CPEB3: variants seen among roughly 807,000 people sequenced by gnomAD.
CPEB3 encodes the protein cytoplasmic polyadenylation element binding protein 3.
A neutral mutation model predicts 67.2 loss-of-function variants in CPEB3; 20 were observed. The ratio of observed to expected loss-of-function variants is 0.30; its 90% CI spans 0.21 to 0.43. The LOEUF (loss-of-function observed/expected upper bound fraction) is 0.43. Among genes scored for constraint, CPEB3 ranks in the 20% least tolerant of loss-of-function variants. The probability of loss-of-function intolerance (pLI) is 1.00; values close to 1 mark genes in which losing one functional copy is unlikely to be tolerated. For missense variants in CPEB3, 746 were observed against 968.6 expected, an observed-to-expected ratio of 0.77 and a Z score of 3.05; for synonymous variants, 376 against 393.1, an observed-to-expected ratio of 0.96 and a Z score of 0.51.
chr10:92,053,552 T>A (rs1841993312), intron 9 of CPEB3, among the ~76,000 whole-genome samples: 5 of 149,410 alleles, frequency 3.3e-5, no homozygotes, highest in Admixed American at 2.0e-4. Context: ...TTCTTTTTTT[T>A]TTTTTTTGAG....
chr10:92,082,991 T>C (rs1843218600), intron 8 of CPEB3, among the ~76,000 whole-genome samples: 1 of 152,122 alleles, frequency 6.6e-6, no homozygotes, highest in Non-Finnish European at 1.5e-5. Flanking sequence ...GGCTGAATAG[T>C]ATAAGAACTC....
At chr10:92,162,929 C>A (rs980561480) in intron 4 of CPEB3, among the ~76,000 whole-genome samples, 2 of 152,070 alleles carry the variant, frequency 1.3e-5, no homozygotes, top group African/African-American at 2.4e-5. Flanking sequence ...CGCCCCCTAG[C>A]CCCACACTTG....
intron 6 of CPEB3, among the ~76,000 whole-genome samples, chr10:92,133,857 CA>C (rs1845960127): frequency 6.6e-6 from 1 of 152,126 alleles, no homozygotes; most frequent in Admixed American, 6.6e-5. Context: ...AAAGCTGGTT[CA>C]ACATTGCAAA....
intron 1 of CPEB3, among the ~76,000 whole-genome samples, chr10:92,258,385 C>G (rs1262258108): frequency 2.0e-5 from 3 of 151,756 alleles, no homozygotes; most frequent in African/African-American, 7.3e-5. Context: ...TAGGCGTGAG[C>G]CACCGTGCCT....
Position 92,239,805 on chromosome 10 carries a change from T to A in CPEB3, c.546A>T (p.Pro182=), listed in dbSNP as rs3740302. The change falls in exon 2 of 10, where the codon CCA becomes CCT. Residue 182 remains proline (P), a synonymous_variant. Transcript: ENST00000265997. This position sits in a 1 kb window ranked among gnomAD's most constrained non-coding sequence, Gnocchi z 6.0. ...APQPAQPAQP[P]QAQPPQQRRS... Reference sequence around the variant, plus strand: ...GGCGCTGCTGCGGGGGCTGCGCCTGTGGTGGCTGCGCTGGCTGTGCCGGCT... The same window carrying A: ...GGCGCTGCTGCGGGGGCTGCGCCTGAGGTGGCTGCGCTGGCTGTGCCGGCT... 202,777 of 1,426,432 alleles carry A rather than the reference T, an allele frequency of 0.14. 17,523 individuals carry two copies. Among genetic ancestry groups the A allele is most frequent in the East Asian group, 0.41 (14,412 of 35,302 alleles). The allele number at this position is 1,426,432 out of a possible 1,614,324, so 88.4% of individuals were successfully genotyped here.
At chr10:92,268,268 T>C (rs1324587787) in intron 1 of CPEB3, among the ~76,000 whole-genome samples, 2 of 152,172 alleles carry the variant, frequency 1.3e-5, no homozygotes, top group African/African-American at 4.8e-5. Flanking sequence ...TTTCTGAGAA[T>C]ATTACCTGTT....
rs533566031 is a variant in CPEB3, at chr10:92,260,538, C to G, written c.-11-20177G>C. Among the ~76,000 whole-genome samples, 3 of 126,222 alleles carry G rather than the reference C, an allele frequency of 2.4e-5. No individual in the cohort carries two copies. In the East Asian group the frequency reaches 6.9e-4, roughly 29 times the overall value. 82.8% of individuals were successfully genotyped at this position (126,222 alleles called of 152,430 possible). Reference sequence around the variant, plus strand: ...TGCACTCCAGCCTGGGCAACAAGAGCAAAACTCCTTCTCAAAAAAAAAAAA... The same window carrying G: ...TGCACTCCAGCCTGGGCAACAAGAGGAAAACTCCTTCTCAAAAAAAAAAAA... On this transcript the variant is annotated intron_variant, in intron 1 of 9. Coordinates refer to ENST00000265997, the MANE Select transcript of CPEB3 (RefSeq NM_014912.5).
chr10:92,068,151 G>T (rs1842625993), intron 9 of CPEB3, among the ~76,000 whole-genome samples: 1 of 152,142 alleles, frequency 6.6e-6, no homozygotes, highest in Non-Finnish European at 1.5e-5. Context: ...TTTATGGAGT[G>T]CAAAGAGTTC....
At chr10:92,183,860 T>G (rs1003610967) in intron 3 of CPEB3, among the ~76,000 whole-genome samples, 1 of 152,226 alleles carries the variant, frequency 6.6e-6, no homozygotes, top group Non-Finnish European at 1.5e-5. Context: ...CTTATTTGAC[T>G]TCTTTTCTTT....
intron 2 of CPEB3, among the ~76,000 whole-genome samples, chr10:92,223,567 CTTTTTTTTTTTTT>C (rs903904452): frequency 1.2e-5 from 1 of 84,146 alleles, no homozygotes; most frequent in Non-Finnish European, 2.5e-5. Flanking sequence ...CTAATTATTT[CTTTTTTTTTTTTT>C]TTTTTTTTTT....
intron 6 of CPEB3, among the ~76,000 whole-genome samples, chr10:92,120,515 C>T (rs970634558): frequency 2.0e-5 from 3 of 151,800 alleles, no homozygotes; most frequent in South Asian, 2.1e-4. Flanking sequence ...ACCCAGGAGG[C>T]GGAGCTTGCA....
At chr10:92,175,128 C>G (rs945804350) in intron 4 of CPEB3, among the ~76,000 whole-genome samples, 1 of 151,660 alleles carries the variant, frequency 6.6e-6, no homozygotes, top group African/African-American at 2.4e-5. Flanking sequence ...CAATTTTGTC[C>G]TCTGAAAAAA....
At chr10:92,194,071 C>T (rs1418644874) in intron 2 of CPEB3, among the ~76,000 whole-genome samples, 1 of 148,568 alleles carries the variant, frequency 6.7e-6, no homozygotes, top group Non-Finnish European at 1.5e-5. Context: ...ACAGGGATTA[C>T]AGGCGTGAGA....
At chr10:92,230,028 G>A (rs1014334505) in intron 2 of CPEB3, among the ~76,000 whole-genome samples, 4 of 151,240 alleles carry the variant, frequency 2.6e-5, no homozygotes, top group Admixed American at 6.6e-5. Context: ...CCTAGGCAAC[G>A]AGAGCGAAAC....
At chr10:92,215,725 G>A (rs1191055830) in intron 2 of CPEB3, among the ~76,000 whole-genome samples, 6 of 143,068 alleles carry the variant, frequency 4.2e-5, no homozygotes, top group East Asian at 2.1e-4. Flanking sequence ...ACAGGCATGA[G>A]CCATGGCGCC....
chr10:92,281,511 T>C (rs1238971161), intron 1 of CPEB3, among the ~76,000 whole-genome samples: 4 of 152,180 alleles, frequency 2.6e-5, no homozygotes, highest in African/African-American at 9.7e-5. Flanking sequence ...ACTACGATGG[T>C]ATCCTTCGCA....
intron 9 of CPEB3, 49 bp downstream of exon 9, chr10:92,081,269 AAC>A: frequency 6.2e-7 from 1 of 1,603,188 alleles, no homozygotes; most frequent in Non-Finnish European, 8.5e-7. Context: ...GAAACTACAG[AAC>A]AAACTTCTTT....
intron 6 of CPEB3, among the ~76,000 whole-genome samples, chr10:92,131,720 C>T (rs1489480999): frequency 2.0e-5 from 3 of 152,104 alleles, no homozygotes; most frequent in Admixed American, 1.3e-4. Flanking sequence ...CCCTTGTCAC[C>T]GGATGTCTCA....
At chr10:92,218,565 G>A (rs748601494) in intron 2 of CPEB3, among the ~76,000 whole-genome samples, 2 of 152,138 alleles carry the variant, frequency 1.3e-5, no homozygotes, top group Non-Finnish European at 2.9e-5. Flanking sequence ...TGTATGCCTA[G>A]GTATATAAAA....
Sources: allele counts gnomAD v4.1 joint callset (sites outside exome capture counted in the v4.1 genomes callset), GRCh38; gene constraint gnomAD v4.1.1; non-coding constraint Gnocchi (gnomAD v3.1); transcripts MANE v1.5; gene names NCBI Gene and HGNC (gene_info 2026-07-23, HGNC 2026-07-21).